Variants in RTN4 observed in about 807,000 individuals in gnomAD.
RTN4 encodes reticulon 4.
RTN4 carries 32 observed loss-of-function variants against 90.4 expected under a neutral mutation model. The observed-to-expected ratio is 0.35, with a 90% CI of 0.27 to 0.48. The LOEUF is 0.48. Ranked by LOEUF, RTN4 falls within the 20% of genes least tolerant of loss-of-function variation. The probability of loss-of-function intolerance (pLI) is 0.99; values close to 1 mark genes in which losing one functional copy is unlikely to be tolerated. For missense variants in RTN4, 1,706 were observed against 1,430.2 expected (o/e 1.19, Z -3.11); for synonymous variants, 629 against 552.5 (o/e 1.14, Z -1.94).
At chr2:55,068,674 A>AG (rs1668435888) in intron 2 of RTN4, among the ~76,000 whole-genome samples, 1 of 89,442 alleles carries the variant, frequency 1.1e-5, no homozygotes, top group African/African-American at 4.2e-5. Context: ...CTCTACAAAA[A>AG]AAAAGGGGGG....
chr2:55,130,262 C>T, the RTN4 span, among the ~76,000 whole-genome samples: 1 of 152,088 alleles, frequency 6.6e-6, no homozygotes, highest in Non-Finnish European at 1.5e-5. Context: ...ACAATATGCA[C>T]AATGTTTATG....
chr2:55,075,908 T>C (rs1435731566), intron 2 of RTN4, among the ~76,000 whole-genome samples: 2 of 152,082 alleles, frequency 1.3e-5, no homozygotes, highest in African/African-American at 4.8e-5. Context: ...GAAACTGGAT[T>C]CTCATATCTC....
intron 2 of RTN4, among the ~76,000 whole-genome samples, chr2:55,066,578 C>T (rs1292970441): frequency 3.3e-5 from 5 of 152,110 alleles, no homozygotes; most frequent in African/African-American, 7.2e-5. Flanking sequence ...CCTGTAATCC[C>T]AGCTACTCAG....
the RTN4 span, among the ~76,000 whole-genome samples, chr2:55,126,353 G>A: frequency 2.0e-5 from 3 of 148,806 alleles, no homozygotes; most frequent in Non-Finnish European, 4.5e-5. Context: ...TGGGAAACAA[G>A]AGCAAAACTC....
chr2:55,123,297 A>G, the RTN4 span, among the ~76,000 whole-genome samples: 1 of 152,190 alleles, frequency 6.6e-6, no homozygotes, highest in Admixed American at 6.5e-5. Flanking sequence ...TCATAAATTT[A>G]TATTTGAAAT....
chr2:55,018,194 A>C (rs1681181814), intron 3 of RTN4, among the ~76,000 whole-genome samples: 1 of 152,196 alleles, frequency 6.6e-6, no homozygotes, highest in Non-Finnish European at 1.5e-5. Flanking sequence ...AAATGAAACA[A>C]ATATGTGAGA....
chr2:55,076,245 A>G (rs778897374), intron 2 of RTN4, among the ~76,000 whole-genome samples: 4 of 152,142 alleles, frequency 2.6e-5, no homozygotes, highest in Non-Finnish European at 5.9e-5. Context: ...AGAACAAAAC[A>G]AACAATCCCA....
chr2:55,091,629 A>G (rs931079600), intron 1 of RTN4, among the ~76,000 whole-genome samples: 34 of 152,036 alleles, frequency 2.2e-4, no homozygotes, highest in African/African-American at 8.0e-4. Context: ...GGAGTTTGGG[A>G]CCTGCCTGGG....
At chr2:55,106,476 G>T (rs574729499) in intron 1 of RTN4, among the ~76,000 whole-genome samples, 1 of 152,034 alleles carries the variant, frequency 6.6e-6, no homozygotes, top group Non-Finnish European at 1.5e-5. Context: ...AAGTGATAAT[G>T]ACAAATTTCT....
chr2:54,990,835 G>T (rs60553807), intron 3 of RTN4, among the ~76,000 whole-genome samples: 1 of 151,992 alleles, frequency 6.6e-6, no homozygotes, highest in Non-Finnish European at 1.5e-5. Flanking sequence ...GCCCGGGCTG[G>T]AGTGCAGTGG....
At chr2:55,137,769 C>G in the RTN4 span, among the ~76,000 whole-genome samples, 1 of 152,264 alleles carries the variant, frequency 6.6e-6, no homozygotes, top group South Asian at 2.1e-4. Flanking sequence ...TCTCATTTCC[C>G]TTCACATGGG....
chr2:55,043,071 G>A (rs538735188), intron 1 of RTN4, among the ~76,000 whole-genome samples: 3 of 152,266 alleles, frequency 2.0e-5, no homozygotes, highest in African/African-American at 7.2e-5. Flanking sequence ...GATGATGATG[G>A]CATTAGTCTG....
intron 3 of RTN4, among the ~76,000 whole-genome samples, chr2:55,001,636 T>C (rs758524802): frequency 2.4e-4 from 37 of 152,198 alleles, no homozygotes; most frequent in Non-Finnish European, 4.9e-4. Context: ...AATCTTCCTA[T>C]TAACATGAAA....
At chr2:55,101,242 C>G (rs1026909925) in intron 1 of RTN4, among the ~76,000 whole-genome samples, 1 of 152,014 alleles carries the variant, frequency 6.6e-6, no homozygotes, top group African/African-American at 2.4e-5. Context: ...TCTTTTCCTA[C>G]ATATTCCTAT....
intron 2 of RTN4, among the ~76,000 whole-genome samples, chr2:55,071,562 A>G (rs1668514300): frequency 6.6e-6 from 1 of 151,540 alleles, no homozygotes; most frequent in Admixed American, 6.6e-5. Flanking sequence ...AAAAAAAAAA[A>G]AAAGCCAGTC....
At chr2:55,004,945 G>A (rs1046692334) in intron 3 of RTN4, among the ~76,000 whole-genome samples, 1 of 152,082 alleles carries the variant, frequency 6.6e-6, no homozygotes, top group Non-Finnish European at 1.5e-5. Context: ...ACACCTCAAG[G>A]AGAACCGGGC....
chr2:55,098,219 T>C (rs1343467792), intron 1 of RTN4, among the ~76,000 whole-genome samples: 1 of 152,138 alleles, frequency 6.6e-6, no homozygotes, highest in Non-Finnish European at 1.5e-5. Context: ...AGCTGGTGTT[T>C]AGTAAATGTT....
rs374746090 is a variant in RTN4 at position 55,027,068 on chromosome 2, T to G, written c.1031A>C (p.Gln344Pro). Residue 344 changes from glutamine (Q) to proline (P), a missense_variant, in exon 3 of 9, where the codon CAA (glutamine) becomes CCA (proline). Transcript: ENST00000337526. ...TTTAGTAAGAGCTGTAGGTAACTCT[T>G]GTTGATTATGAAGGATGTTATTACT... ...LVSNNILHNQ[Q>P]ELPTALTKLV... 2.5e-6 allele frequency: 4 copies of G among 1,613,436 alleles called. No individual in the cohort carries two copies. Among genetic ancestry groups the G allele is most frequent in the African/African-American group, 1.3e-5 (1 of 75,040 alleles).
At chr2:55,046,466 T>C (rs1667735114) in intron 1 of RTN4, among the ~76,000 whole-genome samples, 1 of 152,136 alleles carries the variant, frequency 6.6e-6, no homozygotes, top group Non-Finnish European at 1.5e-5. Flanking sequence ...CTTGGAAATG[T>C]TTTCTCTCTG....
Sources: gnomAD v4.1 joint callset for allele counts (sites outside exome capture counted in the v4.1 genomes callset) on GRCh38, gnomAD v4.1.1 for gene constraint, MANE v1.5 for transcripts, NCBI Gene and HGNC (gene_info 2026-07-23, HGNC 2026-07-21) for gene names.